The following SPAG16 variants were observed in gnomAD, a reference collection of about 807,000 sequenced individuals.
The protein encoded by SPAG16 is sperm-associated antigen 16 protein.
SPAG16 carries 86 observed loss-of-function variants against 80.4 expected under a neutral mutation model. The observed-to-expected ratio is 1.07, with a 90% CI of 0.90 to 1.28. SPAG16 has a LOEUF of 1.28. Among genes scored for constraint, SPAG16 ranks in the 50% most tolerant of loss-of-function variants. The pLI is 0.00. For missense variants in SPAG16, 870 were observed against 765.3 expected, an observed-to-expected ratio of 1.14 and a Z score of -1.61; for synonymous variants, 294 against 265.9, an observed-to-expected ratio of 1.11 and a Z score of -1.03.
chr2:214,234,076 C>CG (rs1688902905), intron 15 of SPAG16, among the ~76,000 whole-genome samples: 1 of 151,526 alleles, frequency 6.6e-6, no homozygotes, highest in South Asian at 2.1e-4. Flanking sequence ...GTGTTGTTTC[C>CG]CCCCCCATGT....
intron 10 of SPAG16, among the ~76,000 whole-genome samples, chr2:213,606,232 C>A (rs1374501991): frequency 6.6e-6 from 1 of 152,068 alleles, no homozygotes; most frequent in African/African-American, 2.4e-5. Flanking sequence ...CTAATGTTTG[C>A]TTTTTATGAA....
At chr2:213,950,234 G>C (rs2079681509) in intron 12 of SPAG16, among the ~76,000 whole-genome samples, 1 of 152,092 alleles carries the variant, frequency 6.6e-6, no homozygotes, top group Middle Eastern at 3.2e-3. Context: ...TCCAGTTCCT[G>C]TGGCCCGCAG....
chr2:213,543,646 G>C (rs1425048870), intron 10 of SPAG16, among the ~76,000 whole-genome samples: 1 of 151,908 alleles, frequency 6.6e-6, no homozygotes, highest in African/African-American at 2.4e-5. Context: ...TCTCTATCCT[G>C]TTCCACTGGT....
intron 15 of SPAG16, among the ~76,000 whole-genome samples, chr2:214,350,033 C>T (rs1698295702): frequency 6.6e-6 from 1 of 152,132 alleles, no homozygotes; most frequent in Non-Finnish European, 1.5e-5. Flanking sequence ...GCTAATGTTC[C>T]TCTCAAAACT....
At chr2:214,370,630 T>C (rs2126087149) in intron 15 of SPAG16, among the ~76,000 whole-genome samples, 1 of 152,262 alleles carries the variant, frequency 6.6e-6, no homozygotes, top group South Asian at 2.1e-4. Context: ...AAGTATACAA[T>C]ACAGTATTGT....
chr2:214,193,435 G>GT (rs1559119486), intron 15 of SPAG16, among the ~76,000 whole-genome samples: 25 of 141,938 alleles, frequency 1.8e-4, no homozygotes, highest in South Asian at 4.5e-4. Context: ...ATGAGAGAGA[G>GT]AGAGAGAGAG....
At chr2:213,528,910 A>G (rs1202649439) in intron 10 of SPAG16, among the ~76,000 whole-genome samples, 1 of 152,178 alleles carries the variant, frequency 6.6e-6, no homozygotes, top group Admixed American at 6.6e-5. Flanking sequence ...TCTAAATGAA[A>G]GAAGTATTAA....
chr2:213,462,838 C>CTAAT (rs2072458492), intron 9 of SPAG16, among the ~76,000 whole-genome samples: 1 of 152,124 alleles, frequency 6.6e-6, no homozygotes, highest in Non-Finnish European at 1.5e-5. Context: ...GACTAATGGA[C>CTAAT]TAATACAGTA....
At chr2:213,732,330 G>GCCC (rs369112629) in intron 10 of SPAG16, among the ~76,000 whole-genome samples, 62 of 80,634 alleles carry the variant, frequency 7.7e-4, no homozygotes, top group African/African-American at 2.1e-3. Context: ...ATTCACGATT[G>GCCC]CCCCCCCCGC....
chr2:213,958,751 G>A (rs925385202), intron 12 of SPAG16, among the ~76,000 whole-genome samples: 4 of 151,936 alleles, frequency 2.6e-5, no homozygotes, highest in Non-Finnish European at 5.9e-5. Flanking sequence ...TTTTTTTAAT[G>A]TGTTAGTATC....
chr2:214,317,110 G>T (rs754654209), intron 15 of SPAG16, among the ~76,000 whole-genome samples: 3 of 152,060 alleles, frequency 2.0e-5, no homozygotes, highest in Non-Finnish European at 2.9e-5. Context: ...GGTATGTTTG[G>T]GCTCTAGAAA....
At chr2:214,100,518 A>T (rs552467003) in intron 13 of SPAG16, among the ~76,000 whole-genome samples, 9 of 152,150 alleles carry the variant, frequency 5.9e-5, no homozygotes, top group Middle Eastern at 3.4e-3. Flanking sequence ...TAGTTTTTCA[A>T]TACTCGTCTT....
At chr2:213,876,523 A>G (rs1371582189) in intron 11 of SPAG16, among the ~76,000 whole-genome samples, 1 of 152,172 alleles carries the variant, frequency 6.6e-6, no homozygotes, top group Admixed American at 6.6e-5. Flanking sequence ...AGATTACACC[A>G]GTACCTGAGC....
chr2:214,194,567 T>G (rs2057771170), intron 15 of SPAG16, among the ~76,000 whole-genome samples: 1 of 152,084 alleles, frequency 6.6e-6, no homozygotes, highest in Non-Finnish European at 1.5e-5. Context: ...GACATATTTG[T>G]GCACATTATT....
chr2:213,899,040 C>A lies in SPAG16; in HGVS notation c.1215-30920C>A, dbSNP rs183399933. Among the ~76,000 whole-genome samples, 265 of 152,076 alleles carry A rather than the reference C, an allele frequency of 1.7e-3. 2 individuals carry two copies. The highest frequency in any genetic ancestry group is 6.1e-3 in the African/African-American group (255 of 41,514). ...TTCAGTGTGTGAAAATACATATGATCATATATTTTCTTACCAAGACTTGAA... is the reference window on the plus strand; with the variant it reads ...TTCAGTGTGTGAAAATACATATGATAATATATTTTCTTACCAAGACTTGAA... On this transcript the variant is annotated intron_variant, in intron 11 of 15. Transcript: ENST00000331683.
Position 213,792,488 on chromosome 2 carries a change from C to T in SPAG16, c.1071-69997C>T, listed in dbSNP as rs367916062. On this transcript the variant is annotated intron_variant, in intron 10 of 15. Transcript: ENST00000331683. Reference sequence around the variant, plus strand: ...CCCAGTCTGAAATGACTATTGTAAACATGTTCTCCTCTCACTTCTCTTAGG... The same window carrying T: ...CCCAGTCTGAAATGACTATTGTAAATATGTTCTCCTCTCACTTCTCTTAGG... Among the ~76,000 whole-genome samples the T allele has an allele frequency of 2.0e-5, 3 of 150,696 alleles. No homozygotes were observed. In the East Asian group the frequency reaches 5.9e-4, roughly 30 times the overall value.
chr2:213,950,770 A>G (rs1166154788), intron 12 of SPAG16, among the ~76,000 whole-genome samples: 2 of 133,698 alleles, frequency 1.5e-5, no homozygotes, highest in East Asian at 4.3e-4. Flanking sequence ...GTGCAGTGGC[A>G]TGATCACGGC....
intron 9 of SPAG16, among the ~76,000 whole-genome samples, chr2:213,429,982 T>C (rs1172036433): frequency 1.3e-5 from 2 of 152,178 alleles, no homozygotes; most frequent in Admixed American, 6.5e-5. Flanking sequence ...TAGCGACATG[T>C]CCTAACTAAA....
intron 9 of SPAG16, among the ~76,000 whole-genome samples, chr2:213,466,269 G>T (rs2072690670): frequency 6.6e-6 from 1 of 152,032 alleles, no homozygotes; most frequent in Admixed American, 6.5e-5. Context: ...TATTAGTTCT[G>T]TCCCTCTAGA....
Sources: gnomAD v4.1 joint callset for allele counts (sites outside exome capture counted in the v4.1 genomes callset) on GRCh38, gnomAD v4.1.1 for gene constraint, MANE v1.5 for transcripts, NCBI Gene and HGNC (gene_info 2026-07-23, HGNC 2026-07-21) for gene names.